LIFR: variants seen among roughly 807,000 people sequenced by gnomAD.
LIFR encodes the protein LIF receptor subunit alpha.
A neutral mutation model predicts 122.2 loss-of-function variants in LIFR; 84 were observed. The observed-to-expected ratio is 0.69, with a 90% CI of 0.58 to 0.82. LIFR has a LOEUF of 0.82. Ranked by LOEUF, LIFR falls within the 40% of genes least tolerant of loss-of-function variation. LIFR has a pLI of 0.00. For synonymous variants in LIFR, 422 were observed against 434.7 expected, an observed-to-expected ratio of 0.97 and a Z score of 0.36; for missense variants, 1,294 against 1,311.6, an observed-to-expected ratio of 0.99 and a Z score of 0.21.
intron 19 of LIFR, 117 bp downstream of exon 19, chr5:38,482,472 T>C (rs1164252601): frequency 1.5e-6 from 1 of 681,382 alleles, no homozygotes; most frequent in Non-Finnish European, 2.5e-6. Flanking sequence ...TTTTAAAGTA[T>C]ATAATTTTCC....
chr5:38,530,112 T>A (rs1407740003), intron 2 of LIFR, among the ~76,000 whole-genome samples: 1 of 152,160 alleles, frequency 6.6e-6, no homozygotes, highest in Non-Finnish European at 1.5e-5. Flanking sequence ...ACAGTGTCTA[T>A]GGAGACAAGG....
intron 13 of LIFR, among the ~76,000 whole-genome samples, chr5:38,496,028 A>C (rs1184146906): frequency 6.6e-6 from 1 of 152,102 alleles, no homozygotes; most frequent in Non-Finnish European, 1.5e-5. Flanking sequence ...GCTGACCTAA[A>C]ATAAACTTTC....
At chr5:38,570,710 T>C (rs1014900759) in intron 1 of LIFR, among the ~76,000 whole-genome samples, 1 of 152,246 alleles carries the variant, frequency 6.6e-6, no homozygotes, top group African/African-American at 2.4e-5. Flanking sequence ...AGTTACTTAA[T>C]AACGTTAGCC....
At chr5:38,566,147 C>T (rs1375302566) in intron 1 of LIFR, among the ~76,000 whole-genome samples, 1 of 152,080 alleles carries the variant, frequency 6.6e-6, no homozygotes, top group African/African-American at 2.4e-5. Flanking sequence ...TATCATAGCA[C>T]TAGATGAAGT....
At chr5:38,578,201 CTTTTTCTTTT>C (rs1475547232) in intron 1 of LIFR, among the ~76,000 whole-genome samples, 3 of 76,658 alleles carry the variant, frequency 3.9e-5, no homozygotes, top group Admixed American at 1.4e-4. Context: ...TTTTCTTTTT[CTTTTTCTTTT>C]TTTTTTTTTT....
chr5:38,535,877 A>T (rs1325843375), intron 1 of LIFR, among the ~76,000 whole-genome samples: 1 of 152,196 alleles, frequency 6.6e-6, no homozygotes, highest in African/African-American at 2.4e-5. Flanking sequence ...TGGCTCCCAA[A>T]CTGCACTGAG....
intron 6 of LIFR, 111 bp from the exon 7 acceptor site, chr5:38,510,829 T>A (rs1276038105): frequency 6.0e-6 from 5 of 827,846 alleles, no homozygotes; most frequent in Non-Finnish European, 9.5e-6. Flanking sequence ...TAGCCCAGTA[T>A]ATACACTACA....
intron 13 of LIFR, among the ~76,000 whole-genome samples, chr5:38,495,123 C>A (rs1192322991): frequency 6.6e-6 from 1 of 152,126 alleles, no homozygotes; most frequent in Non-Finnish European, 1.5e-5. Context: ...TCGGGAAATC[C>A]TCAAGGAATG....
chr5:38,528,760 G>T lies in LIFR; in HGVS notation c.223C>A (p.Arg75Ser). 1 of 1,596,774 alleles carries T rather than the reference G, an allele frequency of 6.3e-7. No homozygotes were observed. Among genetic ancestry groups the T allele is most frequent in the Non-Finnish European group, 8.5e-7 (1 of 1,170,006 alleles). Residue 75 changes from arginine to serine, a missense_variant, in exon 3 of 20, where the codon CGT (arginine) becomes AGT (serine). Coordinates refer to ENST00000453190, the MANE Select transcript of LIFR (RefSeq NM_001127671.2). ...ATGCAAACTTCATAATCAGTACCACGGCCTGTTCCAGAGGGTGCTTTCCAA... is the reference window on the plus strand; with the variant it reads ...ATGCAAACTTCATAATCAGTACCACTGCCTGTTCCAGAGGGTGCTTTCCAA... The part of the protein sequence containing the change: ...CSWKAPSGTG[R>S]GTDYEVCIEN...
chr5:38,483,782 T>C lies in LIFR; in HGVS notation c.2591+993A>G, dbSNP rs144539138. On this transcript the variant is annotated intron_variant, in intron 18 of 19. Coordinates refer to ENST00000453190, the MANE Select transcript of LIFR (RefSeq NM_001127671.2). ...GGTAATGAGAATATGGTTACCAAAATAGACTATTCTATAGTTCTACAACTA... is the reference window on the plus strand; with the variant it reads ...GGTAATGAGAATATGGTTACCAAAACAGACTATTCTATAGTTCTACAACTA... 6.2e-4 allele frequency among the ~76,000 whole-genome samples: 95 copies of C among 152,324 alleles called. 1 individual carries two copies. Among genetic ancestry groups the C allele is most frequent in the African/African-American group, 2.1e-3 (86 of 41,582 alleles).
chr5:38,566,430 C>T (rs1439400923), intron 1 of LIFR, among the ~76,000 whole-genome samples: 1 of 151,996 alleles, frequency 6.6e-6, no homozygotes, highest in African/African-American at 2.4e-5. Context: ...TTTTTTCCCC[C>T]AGCCACTAAC....
At chr5:38,515,661 T>C (rs1377993444) in intron 5 of LIFR, among the ~76,000 whole-genome samples, 1 of 115,296 alleles carries the variant, frequency 8.7e-6, no homozygotes, top group Admixed American at 8.9e-5. Context: ...AGGGAGGGGG[T>C]TGCTATCAAG....
In LIFR at chr5:38,556,583, G is replaced by C. The variant is rs113762479; in HGVS notation, c.-269C>G. Reference sequence around the variant, plus strand: ...GCGAACCCCGCGGGCCGCCGCCGCCGCCAGAGCCTCCCAGAGGCAACGGTA... The same window carrying C: ...GCGAACCCCGCGGGCCGCCGCCGCCCCCAGAGCCTCCCAGAGGCAACGGTA... On this transcript the variant is annotated 5_prime_UTR_variant, in exon 1 of 20. Transcript: ENST00000453190. 49,297 of 149,264 alleles carry C rather than the reference G, an allele frequency of 0.33. 9,665 individuals carry two copies. The highest frequency in any genetic ancestry group is 0.46 in the Middle Eastern group (135 of 292). The allele number at this position is 149,264 out of a possible 1,614,324, so 9.2% of individuals were successfully genotyped here. A position where few individuals can be genotyped will look rare whatever the true frequency, so the allele number is the denominator to read the frequency against.
intron 14 of LIFR, among the ~76,000 whole-genome samples, chr5:38,491,112 T>G (rs752877655): frequency 8.5e-5 from 13 of 152,228 alleles, no homozygotes; most frequent in Non-Finnish European, 1.6e-4. Flanking sequence ...AGTTTATTCC[T>G]CTTTATAACA....
chr5:38,592,409 G>A (rs1033821175), intron 1 of LIFR, among the ~76,000 whole-genome samples: 2 of 152,172 alleles, frequency 1.3e-5, no homozygotes, highest in Admixed American at 6.5e-5. Flanking sequence ...TGTAATCCTA[G>A]CACTTTGGGA....
intron 1 of LIFR, among the ~76,000 whole-genome samples, chr5:38,534,987 T>A (rs1367871373): frequency 6.6e-6 from 1 of 152,194 alleles, no homozygotes. Flanking sequence ...ATAACATATA[T>A]TTTACAAAGA....
chr5:38,532,894 G>A (rs773168451), intron 1 of LIFR, among the ~76,000 whole-genome samples: 29 of 152,168 alleles, frequency 1.9e-4, no homozygotes, highest in Non-Finnish European at 3.2e-4. Flanking sequence ...TTATTCCTTA[G>A]AGGAGCACAA....
At position 38,481,745 on chromosome 5, in the gene LIFR, T is replaced by C. The variant is rs1353332159; in HGVS notation, c.3144A>G (p.Ile1048Met). The C allele has an allele frequency of 6.2e-7, 1 of 1,614,164 alleles. No individual in the cohort carries two copies. The highest frequency in any genetic ancestry group is 8.5e-7 in the Non-Finnish European group (1 of 1,180,034). The part of the protein sequence containing the change: ...NLVSPDSPRS[I>M]DSNSEIVSFG... ...ATGAGACAATCTCACTGTTGCTGTC[T>C]ATGGATCTAGGAGAGTCTGGAGACA... The change falls in exon 20 of 20, where the codon ATA becomes ATG. Residue 1048 changes from isoleucine (I) to methionine (M), a missense_variant. By Grantham distance (10) the Ile-to-Met change is conservative. Transcript: ENST00000453190.
At position 38,477,306 on chromosome 5, in the gene LIFR, T is replaced by A. The variant is rs1743770548; in HGVS notation, c.*4289A>T. On this transcript the variant is annotated 3_prime_UTR_variant, in exon 20 of 20. Coordinates refer to ENST00000453190, the MANE Select transcript of LIFR (RefSeq NM_001127671.2). Reference sequence around the variant, plus strand: ...ATATTCTAAGGCTAAGTCTAAAAGATGAATGTTCTGTAACTTTGGCCATAA... The same window carrying A: ...ATATTCTAAGGCTAAGTCTAAAAGAAGAATGTTCTGTAACTTTGGCCATAA... The A allele has an allele frequency of 4.6e-6, 1 of 219,622 alleles. No homozygotes were observed. Among genetic ancestry groups the A allele is most frequent in the Non-Finnish European group, 9.1e-6 (1 of 109,554 alleles). 13.6% of individuals were successfully genotyped at this position (219,622 alleles called of 1,614,324 possible).
Sources: allele counts gnomAD v4.1 joint callset (sites outside exome capture counted in the v4.1 genomes callset), GRCh38; gene constraint gnomAD v4.1.1; transcripts MANE v1.5; gene names NCBI Gene and HGNC (gene_info 2026-07-23, HGNC 2026-07-21).